The following TLR7 variants were observed in gnomAD, a reference collection of about 807,000 sequenced individuals.
TLR7 encodes the protein toll-like receptor 7.
In TLR7, 12 loss-of-function variants were observed where a neutral mutation model predicts 38.3. The observed-to-expected ratio is 0.31, with a 90% CI of 0.20 to 0.51. TLR7 has a LOEUF of 0.51. TLR7 is among the 20% of genes least tolerant of loss of function. TLR7 has a pLI of 0.98. For missense variants in TLR7, 504 were observed against 743.4 expected (o/e 0.68, Z 3.74); for synonymous variants, 285 against 293.8 (o/e 0.97, Z 0.31).
chrX:12,884,676 A>G (rs1244383565), intron 2 of TLR7, among the ~76,000 whole-genome samples: 1 of 111,958 alleles, frequency 8.9e-6, no homozygotes, highest in East Asian at 2.8e-4. Flanking sequence ...GTTTATGCCT[A>G]TAGTCTTGGT....
Position 12,888,593 on chromosome X carries a change from C to G in TLR7, c.3085C>G (p.Leu1029Val). 8.3e-7 allele frequency: 1 copy of G among 1,211,423 alleles called. No homozygotes were observed. The highest frequency in any genetic ancestry group is 1.1e-6 in the Non-Finnish European group (1 of 895,347). Residue 1029 changes from leucine (L) to valine (V), a missense_variant, in exon 3 of 3, where the codon CTA becomes GTA. Coordinates refer to ENST00000380659, the MANE Select transcript of TLR7 (RefSeq NM_016562.4). ...PQAHPYFWQC[L>V]KNALATDNHV... ...AGCTCACCCATACTTCTGGCAGTGTCTAAAGAACGCCCTGGCCACAGACAA... is the reference window on the plus strand; with the variant it reads ...AGCTCACCCATACTTCTGGCAGTGTGTAAAGAACGCCCTGGCCACAGACAA...
At chrX:12,880,649 G>A (rs754378817) in intron 2 of TLR7, among the ~76,000 whole-genome samples, 8 of 111,225 alleles carry the variant, frequency 7.2e-5, no homozygotes, top group African/African-American at 2.3e-4. Flanking sequence ...TTTACTTCAC[G>A]ATTCATATAT....
Position 12,887,756 on chromosome X carries a change from C to T in TLR7, c.2248C>T (p.Arg750Ter), listed in dbSNP as rs200283411. Residue 750 changes from arginine (R) to a stop codon, truncating the protein, a stop_gained, in exon 3 of 3, where the codon CGA (arginine) becomes TGA (stop). Transcript: ENST00000380659. LOFTEE classifies it high-confidence loss of function. ...KYFLQDAFQL[R>*]YLDLSSNKIQ... ...TTTTCTACAAGATGCCTTCCAGTTGCGATATCTGGATCTCAGCTCAAATAA... is the reference window on the plus strand; with the variant it reads ...TTTTCTACAAGATGCCTTCCAGTTGTGATATCTGGATCTCAGCTCAAATAA... 1 of 1,210,357 alleles carries T rather than the reference C, an allele frequency of 8.3e-7. No homozygotes were observed. The highest frequency in any genetic ancestry group is 1.1e-6 in the Non-Finnish European group (1 of 894,229).
At chrX:12,869,110 T>C (rs1309725258) in intron 2 of TLR7, among the ~76,000 whole-genome samples, 4 of 111,945 alleles carry the variant, frequency 3.6e-5, no homozygotes, top group East Asian at 2.8e-4. Context: ...AAGACTCTTC[T>C]GTTCTTCCTA....
chrX:12,877,325 CTTTTTTTTT>C (rs35834578), intron 2 of TLR7: 1 of 88,128 alleles, frequency 1.1e-5, no homozygotes. Flanking sequence ...CCTTCACCTG[CTTTTTTTTT>C]TTTTTTTTTT....
intron 2 of TLR7, among the ~76,000 whole-genome samples, chrX:12,879,487 G>T (rs1485451755): frequency 8.9e-6 from 1 of 111,899 alleles, no homozygotes; most frequent in African/African-American, 3.2e-5. Context: ...CATTATTTCT[G>T]CTCTGCTCTC....
At chrX:12,885,225 T>G (rs897770886) in intron 2 of TLR7, among the ~76,000 whole-genome samples, 3 of 112,447 alleles carry the variant, frequency 2.7e-5, no homozygotes, top group African/African-American at 9.7e-5. Context: ...CTCTGCAATT[T>G]TAGTGTTCCA....
chrX:12,889,980 T>C lies in TLR7; in HGVS notation c.*1322T>C, dbSNP rs910210155. ...AAACCAAAGTTTATAGACCTTCACA[T>C]TGAGAAAGCTTCAGTTTTGAACTTC... On this transcript the variant is annotated 3_prime_UTR_variant, in exon 3 of 3. Coordinates refer to ENST00000380659, the MANE Select transcript of TLR7 (RefSeq NM_016562.4). The C allele has an allele frequency of 3.5e-5, 4 of 112,760 alleles. No individual in the cohort carries two copies. The East Asian group carries it at 8.3e-4, about 23-fold the overall frequency. The allele number at this position is 112,760 out of a possible 1,213,427, so 9.3% of individuals were successfully genotyped here.
chrX:12,885,410 T>A, intron 2 of TLR7, 102 bp from the exon 3 acceptor site: 1 of 783,031 alleles, frequency 1.3e-6, no homozygotes, highest in Non-Finnish European at 1.9e-6. Context: ...CCTGAATTGT[T>A]TATTTTTAAA....
intron 2 of TLR7, among the ~76,000 whole-genome samples, chrX:12,877,027 C>T (rs982281101): frequency 4.5e-5 from 5 of 111,410 alleles, no homozygotes; most frequent in East Asian, 2.8e-4. Flanking sequence ...CTCAAAATAA[C>T]GATAGTTGAA....
At chrX:12,880,761 T>C (rs1409102742) in intron 2 of TLR7, among the ~76,000 whole-genome samples, 2 of 111,933 alleles carry the variant, frequency 1.8e-5, no homozygotes, top group Non-Finnish European at 3.8e-5. Context: ...CCCTACCCTC[T>C]TGCAGCTTAC....
intron 2 of TLR7, among the ~76,000 whole-genome samples, chrX:12,883,352 G>A (rs179013): frequency 0.18 from 19,466 of 111,093 alleles, 1,329 homozygotes; most frequent in Admixed American, 0.21. Context: ...AAAATGGTAG[G>A]GAAGAGGACT....
At chrX:12,875,386 C>T (rs1276723534) in intron 2 of TLR7, among the ~76,000 whole-genome samples, 4 of 111,974 alleles carry the variant, frequency 3.6e-5, no homozygotes, top group Admixed American at 9.5e-5. Flanking sequence ...AGTAGATTCT[C>T]AATAATGTTT....
intron 2 of TLR7, among the ~76,000 whole-genome samples, chrX:12,880,285 G>A (rs769945768): frequency 4.5e-5 from 5 of 111,720 alleles, no homozygotes; most frequent in Non-Finnish European, 9.4e-5. Flanking sequence ...CTTTTGCAGG[G>A]TATCTTCTAC....
rs1181424483 is a variant in TLR7 at position 12,887,918 on chromosome X, A to G, written c.2410A>G (p.Thr804Ala). The change falls in exon 3 of 3, where the codon ACT (threonine) becomes GCT (alanine). Residue 804 changes from threonine (T) to alanine (A), a missense_variant. Transcript: ENST00000380659. ...CTGGTGGGTTAACCATACGGAGGTG[A>G]CTATTCCTTACCTGGCCACAGATGT... The part of the protein sequence containing the change: ...FVWWVNHTEV[T>A]IPYLATDVTC... The G allele has an allele frequency of 3.3e-6, 4 of 1,211,678 alleles. No homozygotes were observed. Among genetic ancestry groups the G allele is most frequent in the Non-Finnish European group, 4.5e-6 (4 of 895,523 alleles).
chrX:12,884,182 T>C (rs189447062), intron 2 of TLR7, among the ~76,000 whole-genome samples: 185 of 111,617 alleles, frequency 1.7e-3, no homozygotes, highest in Middle Eastern at 9.3e-3. Context: ...TCTCACGCTA[T>C]GTTGCCCAGG....
At chrX:12,875,285 G>C (rs562105991) in intron 2 of TLR7, among the ~76,000 whole-genome samples, 9 of 111,998 alleles carry the variant, frequency 8.0e-5, no homozygotes, top group African/African-American at 2.9e-4. Context: ...TCTGACAATA[G>C]AGCAGCAGAG....
In TLR7 at chrX:12,867,547, C is replaced by T. The variant is rs2042838147; in HGVS notation, c.-32C>T. On this transcript the variant is annotated 5_prime_UTR_variant, in exon 2 of 3. Coordinates refer to ENST00000380659, the MANE Select transcript of TLR7 (RefSeq NM_016562.4). ...TCATGCTCTGCTCTCTTCAACCAGA[C>T]CTCTACATTCCATTTTGGAAGAAGA... 8.3e-7 allele frequency: 1 copy of T among 1,205,882 alleles called. No homozygotes were observed. The highest frequency in any genetic ancestry group is 1.1e-6 in the Non-Finnish European group (1 of 890,404).
At position 12,885,936 on chromosome X, in the gene TLR7, C is replaced by T; in HGVS notation, c.428C>T (p.Pro143Leu). 2 of 1,211,709 alleles carry T rather than the reference C, an allele frequency of 1.7e-6. No individual in the cohort carries two copies. The highest frequency in any genetic ancestry group is 3.0e-5 in the East Asian group (1 of 33,872). Residue 143 changes from proline to leucine, a missense_variant, in exon 3 of 3, where the codon CCG becomes CTG. Pro to Leu is a moderately conservative substitution (Grantham distance 98, BLOSUM62 -3). Transcript: ENST00000380659. ...GATGGAAACCAGCTACTAGAGATAC[C>T]GCAGGGCCTCCCGCCTAGCTTACAG... is the stretch of plus-strand genomic sequence containing the variant. ...YLDGNQLLEI[P>L]QGLPPSLQLL...
Sources: gnomAD v4.1 joint callset for allele counts (sites outside exome capture counted in the v4.1 genomes callset) on GRCh38, gnomAD v4.1.1 for gene constraint, MANE v1.5 for transcripts, NCBI Gene and HGNC (gene_info 2026-07-23, HGNC 2026-07-21) for gene names.